The following NVL variants were observed in gnomAD, a reference collection of about 807,000 sequenced individuals.
The protein encoded by NVL is nuclear VCP like, also known as nuclear valosin-containing protein-like.
A neutral mutation model predicts 110.2 loss-of-function variants in NVL; 84 were observed. The ratio of observed to expected loss-of-function variants is 0.76; its 90% CI spans 0.64 to 0.91. The LOEUF is 0.91. Ranked by LOEUF, NVL falls within the 40% of genes least tolerant of loss-of-function variation. The pLI, the probability that NVL is intolerant of heterozygous loss-of-function variation, is 0.00. For missense variants in NVL, 882 were observed against 1,035.9 expected (o/e 0.85, Z 2.04); for synonymous variants, 354 against 361.1 (o/e 0.98, Z 0.22).
rs915952964 is a variant in NVL at position 224,257,347 on chromosome 1, G to GA, written c.2183-7030dup. Among the ~76,000 whole-genome samples, 12 of 149,746 alleles carry GA rather than the reference G, an allele frequency of 8.0e-5. No homozygotes were observed. In the East Asian group the frequency reaches 1.8e-3, roughly 22 times the overall value. ...TGGGTAAAAAACATTAATTAAAAAA[G>GA]AAAAAAAAAGTTAAAATTGAGAGGT... On this transcript the variant is annotated intron_variant, in intron 18 of 22. Transcript: ENST00000281701.
At chr1:224,292,817 A>G (rs1667498732) in intron 12 of NVL, among the ~76,000 whole-genome samples, 1 of 151,612 alleles carries the variant, frequency 6.6e-6, no homozygotes, top group Admixed American at 6.6e-5. Flanking sequence ...GTGGCATGAC[A>G]TCGGCTCACT....
At chr1:224,254,727 T>A (rs960492538) in intron 18 of NVL, among the ~76,000 whole-genome samples, 1 of 151,090 alleles carries the variant, frequency 6.6e-6, no homozygotes, top group African/African-American at 2.4e-5. Context: ...CATGTGTTTT[T>A]AAAATGTGTA....
In NVL at chr1:224,305,097, T is replaced by C. The variant is rs1330729491; in HGVS notation, c.685A>G (p.Lys229Glu). The change falls in exon 7 of 23, where the codon AAA becomes GAA. Residue 229 changes from lysine to glutamate, a missense_variant. Coordinates refer to ENST00000281701, the MANE Select transcript of NVL (RefSeq NM_002533.4). ...RKGKLKNKGS[K>E]RKKEDLQEVD... ...TCCTGAAGATCTTCTTTCTTCCTTTTGCTTCCTTTATTCTTTAGCTTGCCT... is the reference window on the plus strand; with the variant it reads ...TCCTGAAGATCTTCTTTCTTCCTTTCGCTTCCTTTATTCTTTAGCTTGCCT... The C allele has an allele frequency of 6.8e-6, 11 of 1,613,936 alleles. No homozygotes were observed. The highest frequency in any genetic ancestry group is 9.3e-6 in the Non-Finnish European group (11 of 1,179,934).
intron 19 of NVL, among the ~76,000 whole-genome samples, chr1:224,240,900 C>T (rs1472392203): frequency 6.7e-6 from 1 of 150,336 alleles, no homozygotes; most frequent in Non-Finnish European, 1.5e-5. Context: ...AAGAGATTCT[C>T]CTGCCTCAGC....
At chr1:224,310,704 C>T (rs969264427) in intron 5 of NVL, among the ~76,000 whole-genome samples, 5 of 151,712 alleles carry the variant, frequency 3.3e-5, no homozygotes, top group African/African-American at 1.2e-4. Context: ...AGCCCTAACC[C>T]TTTTTTTTCT....
intron 22 of NVL, among the ~76,000 whole-genome samples, chr1:224,230,932 G>A (rs1179320483): frequency 6.6e-6 from 1 of 152,032 alleles, no homozygotes; most frequent in African/African-American, 2.4e-5. Flanking sequence ...AGGAGATCGA[G>A]ACCATCCTGG....
intron 18 of NVL, among the ~76,000 whole-genome samples, chr1:224,260,485 T>C: frequency 6.6e-6 from 1 of 151,928 alleles, no homozygotes; most frequent in East Asian, 1.9e-4. Flanking sequence ...CTCGATCTCC[T>C]AACCTCGTGA....
intron 7 of NVL, 68 bp from the exon 8 acceptor site, chr1:224,304,880 G>A (rs1668768529): frequency 7.4e-6 from 11 of 1,483,682 alleles, no homozygotes; most frequent in Non-Finnish European, 1.0e-5. Context: ...ATAATGAATA[G>A]TCTTTAAGTA....
chr1:224,244,004 G>A (rs1661514570), intron 19 of NVL, among the ~76,000 whole-genome samples: 1 of 151,846 alleles, frequency 6.6e-6, no homozygotes, highest in East Asian at 1.9e-4. Context: ...GTATTTGGCA[G>A]ATATCAAATA....
chr1:224,255,203 T>TC (rs1663066992), intron 18 of NVL, among the ~76,000 whole-genome samples: 1 of 145,140 alleles, frequency 6.9e-6, no homozygotes, highest in Non-Finnish European at 1.5e-5. Context: ...TTTTTTTTTT[T>TC]TCCTGAGACA....
In NVL at chr1:224,326,414, C is replaced by T. The variant is rs758806110; in HGVS notation, c.108G>A (p.Ala36=). The change falls in exon 2 of 23, where the codon GCG becomes GCA. Residue 36 remains alanine, a synonymous_variant. Coordinates refer to ENST00000281701, the MANE Select transcript of NVL (RefSeq NM_002533.4). ...CGKYVDIGVL[A]SDLQRVYSID... is the part of the protein sequence containing the mutation. ...ACCTGTACACTCTTTGTAAATCAGA[C>T]GCTAAGACTCCAATGTCCACATATT... The T allele has an allele frequency of 2.6e-5, 42 of 1,612,002 alleles. No homozygotes were observed. The Admixed American group carries it at 4.5e-4, about 17-fold the overall frequency.
intron 14 of NVL, among the ~76,000 whole-genome samples, chr1:224,287,432 T>C (rs1666974988): frequency 6.6e-6 from 1 of 152,128 alleles, no homozygotes; most frequent in Non-Finnish European, 1.5e-5. Flanking sequence ...AAAAAAAGTA[T>C]AATGTTCCCA....
intron 19 of NVL, among the ~76,000 whole-genome samples, chr1:224,240,317 C>A (rs1661040233): frequency 6.6e-6 from 1 of 152,144 alleles, no homozygotes; most frequent in African/African-American, 2.4e-5. Context: ...GATCCACCCA[C>A]CTTGGCCTCC....
At chr1:224,291,198 A>G (rs574849798) in intron 12 of NVL, among the ~76,000 whole-genome samples, 5 of 152,284 alleles carry the variant, frequency 3.3e-5, no homozygotes, top group African/African-American at 4.8e-5. Context: ...TTAGTGCCCA[A>G]TGAATGTTAA....
At chr1:224,316,657 T>C (rs1373607046) in intron 4 of NVL, among the ~76,000 whole-genome samples, 1 of 86,248 alleles carries the variant, frequency 1.2e-5, no homozygotes, top group African/African-American at 4.3e-5. Flanking sequence ...AGTAAAACCC[T>C]GTCTCAAAAA....
At chr1:224,276,787 T>C (rs1305638843) in intron 16 of NVL, among the ~76,000 whole-genome samples, 2 of 152,152 alleles carry the variant, frequency 1.3e-5, no homozygotes, top group East Asian at 3.8e-4. Context: ...TCCTCATTAA[T>C]CATTCTTCCC....
chr1:224,281,294 T>TGC, intron 15 of NVL, 109 bp from the exon 16 acceptor site: 1 of 762,978 alleles, frequency 1.3e-6, no homozygotes. Flanking sequence ...CGTGTGTGTG[T>TGC]GTGTGTGTGT....
chr1:224,328,521 TAGG>T (rs1671369536), intron 1 of NVL, among the ~76,000 whole-genome samples: 1 of 151,814 alleles, frequency 6.6e-6, no homozygotes, highest in Non-Finnish European at 1.5e-5. Context: ...GAATAGGCTT[TAGG>T]TAAAAGCAGA....
chr1:224,282,975 A>T (rs1042998871), intron 15 of NVL, among the ~76,000 whole-genome samples: 2 of 152,202 alleles, frequency 1.3e-5, no homozygotes, highest in African/African-American at 4.8e-5. Flanking sequence ...CCTAGGCCAC[A>T]CTTTGCCTCT....
Sources: gnomAD v4.1 joint callset for allele counts (sites outside exome capture counted in the v4.1 genomes callset) on GRCh38, gnomAD v4.1.1 for gene constraint, MANE v1.5 for transcripts, NCBI Gene and HGNC (gene_info 2026-07-23, HGNC 2026-07-21) for gene names.